Variants in BAIAP2 observed in about 807,000 individuals in gnomAD.
The protein encoded by BAIAP2 is BAR/IMD domain-containing adapter protein 2.
BAIAP2 carries 18 observed loss-of-function variants against 63.0 expected under a neutral mutation model. The ratio of observed to expected loss-of-function variants is 0.29; its 90% CI spans 0.20 to 0.42. The LOEUF is 0.42. BAIAP2 is among the 10% of genes least tolerant of loss of function. The probability of loss-of-function intolerance (pLI) is 1.00; values close to 1 mark genes in which losing one functional copy is unlikely to be tolerated. For missense variants in BAIAP2, 610 were observed against 734.3 expected (o/e 0.83, Z 1.96); for synonymous variants, 386 against 307.6 (o/e 1.25, Z -2.67).
chr17:81,117,222 A>G lies in BAIAP2; in HGVS notation c.*1383A>G, dbSNP rs2060572172. 6.6e-6 allele frequency: 1 copy of G among 152,196 alleles called. No homozygotes were observed. Among genetic ancestry groups the G allele is most frequent in the Non-Finnish European group, 1.5e-5 (1 of 68,022 alleles). 9.4% of individuals were successfully genotyped at this position (152,196 alleles called of 1,614,324 possible). ...CCTCCTGGCCCCAGGAAGGGCTGGC[A>G]TCGGGTTCCTGGCACAGCCCCTCCT... On this transcript the variant is annotated 3_prime_UTR_variant, in exon 14 of 14. Coordinates refer to ENST00000428708, the MANE Select transcript of BAIAP2 (RefSeq NM_001144888.2).
Position 81,057,901 on chromosome 17 carries a change from G to A in BAIAP2, c.151G>A (p.Gly51Ser). The A allele has an allele frequency of 6.2e-7, 1 of 1,602,114 alleles. No individual in the cohort carries two copies. The highest frequency in any genetic ancestry group is 8.5e-7 in the Non-Finnish European group (1 of 1,174,774). Residue 51 changes from glycine to serine, a missense_variant, in exon 3 of 14, where the codon GGC (glycine) becomes AGC (serine). Gly to Ser is a moderately conservative substitution (Grantham distance 56, BLOSUM62 0). Coordinates refer to ENST00000428708, the MANE Select transcript of BAIAP2 (RefSeq NM_001144888.2). ...ALAGVTYAAK[G>S]YFDALVKMGE... is the part of the protein sequence containing the mutation. The stretch of plus-strand genomic sequence containing the variant: ...CTCAGGTGTGACGTATGCAGCCAAA[G>A]GCTACTTTGACGCCCTGGTGAAGAT...
Position 81,104,115 on chromosome 17 carries a change from G to GCTC in BAIAP2, c.1066+9_1066+11dup, listed in dbSNP as rs755853445. ...AAAAACAGCTATGCCACCAGTAAGG[G>GCTC]CTCCGCTGGGGTGTTGGGCTGGGGT... On this transcript the variant is annotated splice_region_variant and intron_variant, in intron 9 of 13. Coordinates refer to ENST00000428708, the MANE Select transcript of BAIAP2 (RefSeq NM_001144888.2). 1.3e-5 allele frequency: 21 copies of GCTC among 1,612,828 alleles called. No individual in the cohort carries two copies. The highest frequency in any genetic ancestry group is 6.8e-6 in the Non-Finnish European group (8 of 1,179,846).
chr17:81,058,602 C>T (rs1029563663), intron 3 of BAIAP2, among the ~76,000 whole-genome samples: 9 of 152,230 alleles, frequency 5.9e-5, no homozygotes, highest in African/African-American at 9.6e-5. Flanking sequence ...TGGGAGACCC[C>T]GGGCCGGCTG....
intron 12 of BAIAP2, chr17:81,107,186 G>A (rs2059286283): frequency 2.1e-6 from 1 of 465,518 alleles, no homozygotes; most frequent in Admixed American, 4.0e-5. Context: ...GCAACTCACT[G>A]CTCTGTCCAA....
At chr17:81,085,250 C>T (rs2055368637) in intron 4 of BAIAP2, 2 of 496,992 alleles carry the variant, frequency 4.0e-6, no homozygotes, top group Non-Finnish European at 7.4e-6. Flanking sequence ...CCCCACACAA[C>T]CAGAGCACGT....
At chr17:81,113,482 C>G (rs967298627) in intron 13 of BAIAP2, among the ~76,000 whole-genome samples, 17 of 152,352 alleles carry the variant, frequency 1.1e-4, no homozygotes, top group Non-Finnish European at 2.1e-4. Context: ...AGCTCCCCGC[C>G]GGCCTCCTGG....
At chr17:81,081,432 C>G (rs1013041700) in intron 3 of BAIAP2, among the ~76,000 whole-genome samples, 2 of 152,112 alleles carry the variant, frequency 1.3e-5, no homozygotes, top group African/African-American at 2.4e-5. Context: ...TCTTGGCCAC[C>G]CAGGGTGGAT....
In BAIAP2 at chr17:81,116,282, G is replaced by T. The variant is rs544323535; in HGVS notation, c.*443G>T. 10 of 1,612,848 alleles carry T rather than the reference G, an allele frequency of 6.2e-6. 2 individuals carry two copies. The African/African-American group carries it at 1.3e-4, about 21-fold the overall frequency. Reference sequence around the variant, plus strand: ...AGGCCGGGAGCACGGGGATGGGAGCGCCCGCACCCTGGCTGGAAGATGAAC... The same window carrying T: ...AGGCCGGGAGCACGGGGATGGGAGCTCCCGCACCCTGGCTGGAAGATGAAC... On this transcript the variant is annotated 3_prime_UTR_variant, in exon 14 of 14. Transcript: ENST00000428708.
chr17:81,095,085 G>T (rs1374895067), intron 6 of BAIAP2, among the ~76,000 whole-genome samples: 6 of 152,234 alleles, frequency 3.9e-5, no homozygotes, highest in Admixed American at 3.9e-4. Flanking sequence ...GTGACTAAGT[G>T]GGAGCATTCT....
chr17:81,108,941 G>A (rs935758077), intron 13 of BAIAP2: 2 of 1,542,940 alleles, frequency 1.3e-6, no homozygotes, highest in African/African-American at 2.7e-5. Context: ...GTGCAGCCAG[G>A]CAGCCGTCCT....
At chr17:81,053,600 T>G in intron 1 of BAIAP2, 68 bp from the exon 2 acceptor site, 1 of 1,570,838 alleles carries the variant, frequency 6.4e-7, no homozygotes, top group Non-Finnish European at 8.8e-7. Context: ...CTCCTCTGTG[T>G]TCGGACCCTT....
intron 6 of BAIAP2, among the ~76,000 whole-genome samples, chr17:81,095,654 G>A (rs966770885): frequency 4.6e-5 from 7 of 152,142 alleles, no homozygotes; most frequent in African/African-American, 1.7e-4. Context: ...TCCTTCGGGG[G>A]CTGGCCATCC....
chr17:81,049,008 C>G (rs1403118287), intron 1 of BAIAP2, among the ~76,000 whole-genome samples: 1 of 150,060 alleles, frequency 6.7e-6, no homozygotes, highest in Admixed American at 6.6e-5. Context: ...CGGCCCAGGA[C>G]CCCCCCTGGG....
At chr17:81,052,769 C>A (rs147678181) in intron 1 of BAIAP2, among the ~76,000 whole-genome samples, 154 of 152,090 alleles carry the variant, frequency 1.0e-3, no homozygotes, top group Admixed American at 3.3e-3. Flanking sequence ...CTCTCTAGCC[C>A]ACAGGTTGGG....
intron 13 of BAIAP2, among the ~76,000 whole-genome samples, chr17:81,112,212 G>A (rs1300041233): frequency 6.6e-6 from 1 of 152,224 alleles, no homozygotes; most frequent in South Asian, 2.1e-4. Context: ...CCCTTACCTG[G>A]TGAGGCTTGG....
Position 81,097,050 on chromosome 17 carries a change from A to G in BAIAP2, c.490-2878A>G, listed in dbSNP as rs559778300. ...CTCAGCATGGAGCAGAGCTTGCTGG[A>G]AAGTCTGCTTAAGGTTGCCTTGCAG... On this transcript the variant is annotated intron_variant, in intron 6 of 13. Coordinates refer to ENST00000428708, the MANE Select transcript of BAIAP2 (RefSeq NM_001144888.2). Among the ~76,000 whole-genome samples the G allele has an allele frequency of 6.6e-5, 10 of 152,270 alleles. No individual in the cohort carries two copies. The South Asian group carries it at 2.1e-3, about 32-fold the overall frequency.
intron 1 of BAIAP2, among the ~76,000 whole-genome samples, chr17:81,045,152 C>T (rs1325381477): frequency 1.3e-5 from 2 of 152,206 alleles, no homozygotes; most frequent in African/African-American, 4.8e-5. Context: ...CCCTTGTGGA[C>T]CTCTGCTCCT....
Position 81,096,781 on chromosome 17 carries a change from G to A in BAIAP2, c.490-3147G>A, listed in dbSNP as rs529821249. Among the ~76,000 whole-genome samples, 15 of 152,372 alleles carry A rather than the reference G, an allele frequency of 9.8e-5. No individual in the cohort carries two copies. The South Asian group carries it at 2.3e-3, about 23-fold the overall frequency. On this transcript the variant is annotated intron_variant, in intron 6 of 13. Coordinates refer to ENST00000428708, the MANE Select transcript of BAIAP2 (RefSeq NM_001144888.2). ...CATCATGCCCTCCCCAGGCCCCAGG[G>A]TACCCCTGAATCTGGCTGTCGCACT...
chr17:81,090,609 C>G (rs11869611), intron 6 of BAIAP2, among the ~76,000 whole-genome samples: 5 of 152,262 alleles, frequency 3.3e-5, no homozygotes, highest in Non-Finnish European at 7.3e-5. Context: ...AGCCACACCC[C>G]GGTGTGCTTT....
Sources: allele counts gnomAD v4.1 joint callset (sites outside exome capture counted in the v4.1 genomes callset), GRCh38; gene constraint gnomAD v4.1.1; transcripts MANE v1.5; gene names NCBI Gene and HGNC (gene_info 2026-07-23, HGNC 2026-07-21).